AUTS2: variants seen among roughly 807,000 people sequenced by gnomAD.
AUTS2 encodes the protein activator of transcription and developmental regulator AUTS2.
A neutral mutation model predicts 112.4 loss-of-function variants in AUTS2; 17 were observed. That is an observed-to-expected ratio of 0.15 (90% CI 0.10 to 0.23). AUTS2 has a LOEUF of 0.23. AUTS2 is among the 10% of genes least tolerant of loss of function. The pLI, the probability that AUTS2 is intolerant of heterozygous loss-of-function variation, is 1.00. For missense variants in AUTS2, 1,510 were observed against 1,701.6 expected, an observed-to-expected ratio of 0.89 and a Z score of 1.98; for synonymous variants, 751 against 702.7, an observed-to-expected ratio of 1.07 and a Z score of -1.09.
chr7:70,153,815 A>G (rs1406445224), intron 4 of AUTS2, among the ~76,000 whole-genome samples: 2 of 152,186 alleles, frequency 1.3e-5, no homozygotes, highest in Non-Finnish European at 2.9e-5. Context: ...TAAATGTTCA[A>G]AAATTCATGA....
At chr7:70,126,342 G>T (rs1472900532) in intron 3 of AUTS2, among the ~76,000 whole-genome samples, 1 of 152,176 alleles carries the variant, frequency 6.6e-6, no homozygotes, top group Admixed American at 6.5e-5. Context: ...TTGGGAGGCA[G>T]AGGTTGCAGT....
chr7:70,663,897 G>C (rs1050383846), intron 5 of AUTS2, among the ~76,000 whole-genome samples: 15 of 152,178 alleles, frequency 9.9e-5, no homozygotes, highest in African/African-American at 3.4e-4. Context: ...CTCAGAATGA[G>C]TGTATTTGCT....
At chr7:70,785,523 A>G in intron 16 of AUTS2, 2 of 466,580 alleles carry the variant, frequency 4.3e-6, no homozygotes, top group South Asian at 3.1e-5. Flanking sequence ...GCAAGTGTAC[A>G]GGCAGATTCA....
chr7:70,033,079 T>C (rs1306088717), intron 2 of AUTS2, among the ~76,000 whole-genome samples: 1 of 152,130 alleles, frequency 6.6e-6, no homozygotes, highest in Non-Finnish European at 1.5e-5. Flanking sequence ...ACAGAGTTTC[T>C]TTCTGGGGTG....
intron 5 of AUTS2, among the ~76,000 whole-genome samples, chr7:70,574,349 G>T (rs889761889): frequency 1.3e-5 from 2 of 152,190 alleles, no homozygotes; most frequent in Non-Finnish European, 1.5e-5. Flanking sequence ...GGCTCCATGT[G>T]CCAACGATCT....
chr7:69,936,477 G>A (rs1363307051), intron 2 of AUTS2, among the ~76,000 whole-genome samples: 1 of 152,042 alleles, frequency 6.6e-6, no homozygotes. Flanking sequence ...AGCCTCCCGA[G>A]TAGCTGGGAC....
chr7:70,468,592 G>T (rs998057380), intron 5 of AUTS2, among the ~76,000 whole-genome samples: 4 of 152,182 alleles, frequency 2.6e-5, no homozygotes, highest in African/African-American at 9.7e-5. Flanking sequence ...CAGGAGAGAG[G>T]CTGGGAGACT....
chr7:69,628,231 T>A (rs183896159), intron 1 of AUTS2, among the ~76,000 whole-genome samples: 1 of 152,330 alleles, frequency 6.6e-6, no homozygotes, highest in East Asian at 1.9e-4. Context: ...GTTCTTCCAT[T>A]GAGGTGTGCT....
intron 6 of AUTS2, among the ~76,000 whole-genome samples, chr7:70,719,158 A>G (rs1171485470): frequency 1.3e-5 from 2 of 152,186 alleles, no homozygotes; most frequent in Non-Finnish European, 2.9e-5. Context: ...CTAAGGCTGA[A>G]CAAGTTGCTC....
At chr7:70,079,611 A>G (rs1319136469) in intron 2 of AUTS2, among the ~76,000 whole-genome samples, 2 of 152,164 alleles carry the variant, frequency 1.3e-5, no homozygotes, top group African/African-American at 4.8e-5. Context: ...ACATTTTACT[A>G]ATATCCATGA....
chr7:70,562,077 C>G (rs955123321), intron 5 of AUTS2, among the ~76,000 whole-genome samples: 2 of 152,178 alleles, frequency 1.3e-5, no homozygotes, highest in Non-Finnish European at 2.9e-5. Context: ...ACTACCCTTG[C>G]CTTCTGCCTC....
chr7:69,671,511 G>GTGTGTGTGTGTGTGTGTGTC, intron 1 of AUTS2, among the ~76,000 whole-genome samples: 1 of 151,690 alleles, frequency 6.6e-6, no homozygotes, highest in Non-Finnish European at 1.5e-5. Context: ...GTGTGTGTGT[G>GTGTGTGTGTGTGTGTGTGTC]TGTGTGTGTG....
At chr7:70,412,599 G>A (rs1475466116) in intron 4 of AUTS2, among the ~76,000 whole-genome samples, 1 of 152,200 alleles carries the variant, frequency 6.6e-6, no homozygotes, top group Non-Finnish European at 1.5e-5. Context: ...AGATAAGTGG[G>A]TGTTTGAAAT....
intron 5 of AUTS2, among the ~76,000 whole-genome samples, chr7:70,611,434 T>C (rs1023413651): frequency 6.6e-6 from 1 of 152,186 alleles, no homozygotes; most frequent in African/African-American, 2.4e-5. Context: ...CAGCAACATA[T>C]CTAGAGAAAC....
chr7:70,737,193 A>C (rs1787825341), intron 6 of AUTS2, among the ~76,000 whole-genome samples: 1 of 152,066 alleles, frequency 6.6e-6, no homozygotes, highest in Non-Finnish European at 1.5e-5. Context: ...TAGTGCATGC[A>C]GGCTAATTAA....
At chr7:69,755,400 A>AAAAG (rs1246590084) in intron 1 of AUTS2, among the ~76,000 whole-genome samples, 1 of 152,218 alleles carries the variant, frequency 6.6e-6, no homozygotes, top group African/African-American at 2.4e-5. Context: ...CATCTTTATT[A>AAAAG]AGCATACAGA....
intron 5 of AUTS2, among the ~76,000 whole-genome samples, chr7:70,546,795 A>G (rs915058349): frequency 5.3e-5 from 8 of 151,924 alleles, no homozygotes; most frequent in African/African-American, 1.7e-4. Flanking sequence ...AAAGAAAAAA[A>G]AAAAATCATT....
At chr7:69,914,508 A>G (rs955893170) in intron 2 of AUTS2, among the ~76,000 whole-genome samples, 2 of 151,886 alleles carry the variant, frequency 1.3e-5, no homozygotes, top group Non-Finnish European at 2.9e-5. Context: ...ATTTATCCCA[A>G]GCAACCCCTG....
intron 5 of AUTS2, among the ~76,000 whole-genome samples, chr7:70,509,797 C>A (rs1261545677): frequency 1.3e-5 from 2 of 152,148 alleles, no homozygotes; most frequent in East Asian, 1.9e-4. Flanking sequence ...TGAGACAATG[C>A]CCTTCCTTGC....
Sources: allele counts gnomAD v4.1 joint callset (sites outside exome capture counted in the v4.1 genomes callset), GRCh38; gene constraint gnomAD v4.1.1; transcripts MANE v1.5; gene names NCBI Gene and HGNC (gene_info 2026-07-23, HGNC 2026-07-21).